SLC1A4: variants seen among roughly 807,000 people sequenced by gnomAD.
The protein encoded by SLC1A4 is solute carrier family 1 member 4.
SLC1A4 carries 19 observed loss-of-function variants against 37.7 expected under a neutral mutation model. That is an observed-to-expected ratio of 0.50 (90% CI 0.35 to 0.74). The LOEUF (loss-of-function observed/expected upper bound fraction) is 0.74, where lower values mean the gene tolerates loss of function less well. Among genes scored for constraint, SLC1A4 ranks in the 30% least tolerant of loss-of-function variants. The pLI is 0.01. For missense variants in SLC1A4, 570 were observed against 712.9 expected (o/e 0.80, Z 2.28); for synonymous variants, 299 against 309.8 (o/e 0.97, Z 0.37).
At chr2:65,016,025 T>C (rs17029737) in intron 4 of SLC1A4, among the ~76,000 whole-genome samples, 7,401 of 152,334 alleles carry the variant, frequency 0.049, 291 homozygotes, top group East Asian at 0.26. Context: ...AGCCACTCTG[T>C]GAAATAGGTG....
chr2:65,008,093 A>T (rs1024470096), intron 3 of SLC1A4, among the ~76,000 whole-genome samples: 2 of 152,162 alleles, frequency 1.3e-5, no homozygotes, highest in African/African-American at 2.4e-5. Flanking sequence ...CAACTTTCAA[A>T]TAGTAATTGA....
intron 3 of SLC1A4, among the ~76,000 whole-genome samples, chr2:65,007,616 C>T (rs190124846): frequency 1.2e-3 from 180 of 152,248 alleles, no homozygotes; most frequent in African/African-American, 3.7e-3. Context: ...GCTGGAACTG[C>T]CTGACCTCAA....
In SLC1A4 at chr2:65,016,463, T is replaced by C. The variant is rs2103675330; in HGVS notation, c.824T>C (p.Phe275Ser). The change falls in exon 5 of 8, where the codon TTC (phenylalanine) becomes TCC (serine). Residue 275 changes from phenylalanine to serine, a missense_variant. By Grantham distance (155) the Phe-to-Ser change is radical (BLOSUM62 -2). Coordinates refer to ENST00000234256, the MANE Select transcript of SLC1A4 (RefSeq NM_003038.5). Reference protein sequence around the residue: ...IMWYVPVGIMFLVGSKIVEMK... With the variant: ...IMWYVPVGIMSLVGSKIVEMK... ...AGGTACGTACCTGTGGGCATCATGT[T>C]CCTTGTTGGAAGCAAGATCGTGGAA... is the stretch of plus-strand genomic sequence containing the variant. The C allele has an allele frequency of 6.2e-7, 1 of 1,614,200 alleles. No homozygotes were observed. Among genetic ancestry groups the C allele is most frequent in the Admixed American group, 1.7e-5 (1 of 60,030 alleles).
chr2:65,009,264 T>G (rs1018828465), intron 3 of SLC1A4, among the ~76,000 whole-genome samples: 3 of 151,886 alleles, frequency 2.0e-5, no homozygotes, highest in Admixed American at 1.3e-4. Flanking sequence ...TCCCAGGTAC[T>G]TGGGAGGCTG....
rs2103675633 is a variant in SLC1A4 at position 65,016,564 on chromosome 2, G to T, written c.925G>T (p.Gly309Ter). Residue 309 changes from glycine to a stop codon, truncating the protein, a stop_gained, in exon 5 of 8, where the codon GGA (glycine) becomes TGA (stop). Transcript: ENST00000234256. LOFTEE classifies it high-confidence loss of function. ...ATCTATATTGGGCCATGTTATTCATGGAGGAATTGTTCTGCCACTTATTTA... is the reference window on the plus strand; with the variant it reads ...ATCTATATTGGGCCATGTTATTCATTGAGGAATTGTTCTGCCACTTATTTA... Reference protein sequence around the residue: ...FASILGHVIHGGIVLPLIYFV... With the variant: ...FASILGHVIH The T allele has an allele frequency of 6.2e-7, 1 of 1,614,182 alleles. No individual in the cohort carries two copies. Among genetic ancestry groups the T allele is most frequent in the Middle Eastern group, 1.6e-4 (1 of 6,062 alleles).
At position 65,023,319 on chromosome 2, in the gene SLC1A4, A is replaced by ATGTGTTG. The variant is rs112564069; in HGVS notation, c.*2178_*2179insTGTGTGT. ...CACACATATGTATATCTATACACAC[A>ATGTGTTG]TGTGTGTTGTGTATATGCATGTGTG... On this transcript the variant is annotated 3_prime_UTR_variant, in exon 8 of 8. Transcript: ENST00000234256. The ATGTGTTG allele has an allele frequency of 6.0e-5, 9 of 151,196 alleles. No homozygotes were observed. The highest frequency in any genetic ancestry group is 1.9e-4 in the East Asian group (1 of 5,136). The allele number at this position is 151,196 out of a possible 1,614,324, so 9.4% of individuals were successfully genotyped here.
intron 2 of SLC1A4, among the ~76,000 whole-genome samples, chr2:65,003,623 A>G (rs926644268): frequency 3.5e-4 from 54 of 152,258 alleles, no homozygotes; most frequent in Non-Finnish European, 6.2e-4. Context: ...ATAATATGAC[A>G]TATAAGGCTG....
chr2:65,004,224 G>A (rs1017457720), intron 3 of SLC1A4, among the ~76,000 whole-genome samples: 12 of 152,066 alleles, frequency 7.9e-5, no homozygotes, highest in African/African-American at 9.6e-5. Flanking sequence ...CAGAGGATCC[G>A]TAAAACATTT....
At position 65,018,664 on chromosome 2, in the gene SLC1A4, C is replaced by A. The variant is rs1674283422; in HGVS notation, c.1349C>A (p.Ala450Asp). 1 of 1,614,178 alleles carries A rather than the reference C, an allele frequency of 6.2e-7. No individual in the cohort carries two copies. Among genetic ancestry groups the A allele is most frequent in the Non-Finnish European group, 8.5e-7 (1 of 1,180,020 alleles). ...ACTCATGACCTGCCTCTGATCCTGG[C>A]TGTGGACTGGATTGTGTAAGTAACA... ...LPTHDLPLIL[A>D]VDWIVDRTTT... Residue 450 changes from alanine (A) to aspartate (D), a missense_variant, in exon 7 of 8, where the codon GCT becomes GAT. Transcript: ENST00000234256. This position sits in a 1 kb window ranked among gnomAD's most constrained non-coding sequence, Gnocchi z 4.3.
Position 65,021,192 on chromosome 2 carries a change from T to C in SLC1A4, c.*46T>C, listed in dbSNP as rs1674406899. 1 of 1,489,696 alleles carries C rather than the reference T, an allele frequency of 6.7e-7. No homozygotes were observed. The highest frequency in any genetic ancestry group is 9.3e-7 in the Non-Finnish European group (1 of 1,074,710). 92.3% of individuals were successfully genotyped at this position (1,489,696 alleles called of 1,614,324 possible). A position where few individuals can be genotyped will look rare whatever the true frequency, so the allele number is the denominator to read the frequency against. ...GCCTGCCAGCAGTGATGTCCCACCC[T>C]GTTCACCCAGCCGCCAGTCATGGAC... On this transcript the variant is annotated 3_prime_UTR_variant, in exon 8 of 8. Coordinates refer to ENST00000234256, the MANE Select transcript of SLC1A4 (RefSeq NM_003038.5).
At chr2:65,010,257 C>A (rs928023264) in intron 3 of SLC1A4, among the ~76,000 whole-genome samples, 1 of 152,148 alleles carries the variant, frequency 6.6e-6, no homozygotes, top group Admixed American at 6.5e-5. Context: ...CTAACCAGCT[C>A]TTCTTTTAAA....
rs1420896503 is a variant in SLC1A4, at chr2:65,021,908, C to G, written c.*762C>G. On this transcript the variant is annotated 3_prime_UTR_variant, in exon 8 of 8. Coordinates refer to ENST00000234256, the MANE Select transcript of SLC1A4 (RefSeq NM_003038.5). ...AGGACAGGTTTCACATACAATTGTC[C>G]CAGTTCGCATCCCAGCCCTGGGGCA... is the stretch of plus-strand genomic sequence containing the variant. 6.6e-6 allele frequency: 1 copy of G among 152,268 alleles called. No individual in the cohort carries two copies. Among genetic ancestry groups the G allele is most frequent in the East Asian group, 1.9e-4 (1 of 5,204 alleles). 9.4% of individuals were successfully genotyped at this position (152,268 alleles called of 1,614,324 possible). A position where few individuals can be genotyped will look rare whatever the true frequency, so the allele number is the denominator to read the frequency against.
chr2:65,000,935 C>T (rs2103645438), intron 1 of SLC1A4: 1 of 152,554 alleles, frequency 6.6e-6, no homozygotes, highest in East Asian at 1.9e-4. Flanking sequence ...TTGGATTTCA[C>T]TAGTGAGCAG....
chr2:64,999,403 T>G (rs1673383060), intron 1 of SLC1A4: 1 of 152,256 alleles, frequency 6.6e-6, no homozygotes, highest in South Asian at 2.1e-4. Flanking sequence ...GCACCCTAAG[T>G]GTTCTAATGC....
intron 3 of SLC1A4, among the ~76,000 whole-genome samples, chr2:65,005,426 G>A (rs1296032996): frequency 2.0e-5 from 3 of 152,174 alleles, no homozygotes; most frequent in East Asian, 3.8e-4. Flanking sequence ...CACTCTGTCT[G>A]GCCAGAGGAC....
chr2:65,022,050 A>C lies in SLC1A4; in HGVS notation c.*904A>C, dbSNP rs1674449526. 6.6e-6 allele frequency: 1 copy of C among 152,270 alleles called. No homozygotes were observed. The highest frequency in any genetic ancestry group is 2.4e-5 in the African/African-American group (1 of 41,462). The allele number at this position is 152,270 out of a possible 1,614,324, so 9.4% of individuals were successfully genotyped here. A position where few individuals can be genotyped will look rare whatever the true frequency, so the allele number is the denominator to read the frequency against. On this transcript the variant is annotated 3_prime_UTR_variant, in exon 8 of 8. Coordinates refer to ENST00000234256, the MANE Select transcript of SLC1A4 (RefSeq NM_003038.5). ...CTCCTTCCCTGGGGAGGTGTGATGT[A>C]GTTATCACATTCAGGACCCTTGTTG...
In SLC1A4 at chr2:65,018,765, G is replaced by C; in HGVS notation, c.1364+86G>C. ...CACTGCTGGGCCTGGGCCATGCAGA[G>C]AAACTTCAGACACACTCCAGCCTTG... On this transcript the variant is annotated intron_variant, in intron 7 of 7. Transcript: ENST00000234256. The surrounding 1 kb of genome is among the most constrained non-coding windows in gnomAD (Gnocchi z 4.3). 1 of 1,489,014 alleles carries C rather than the reference G, an allele frequency of 6.7e-7. No individual in the cohort carries two copies. The highest frequency in any genetic ancestry group is 1.4e-5 in the African/African-American group (1 of 72,400). The allele number at this position is 1,489,014 out of a possible 1,614,324, so 92.2% of individuals were successfully genotyped here. A position where few individuals can be genotyped will look rare whatever the true frequency, so the allele number is the denominator to read the frequency against.
At chr2:65,012,414 TC>T (rs1488825234) in intron 4 of SLC1A4, among the ~76,000 whole-genome samples, 1 of 152,192 alleles carries the variant, frequency 6.6e-6, no homozygotes, top group Non-Finnish European at 1.5e-5. Flanking sequence ...AACTAGTTTC[TC>T]CTTCCATGCA....
chr2:65,004,067 T>G, intron 3 of SLC1A4, 52 bp downstream of exon 3: 1 of 1,472,538 alleles, frequency 6.8e-7, no homozygotes, highest in Non-Finnish European at 9.5e-7. Context: ...ACAAATCTTA[T>G]TTCTTCTTTG....
Sources: allele counts gnomAD v4.1 joint callset (sites outside exome capture counted in the v4.1 genomes callset), GRCh38; gene constraint gnomAD v4.1.1; non-coding constraint Gnocchi (gnomAD v3.1); transcripts MANE v1.5; gene names NCBI Gene and HGNC (gene_info 2026-07-23, HGNC 2026-07-21).